WSB1: variants seen among roughly 807,000 people sequenced by gnomAD.
The protein encoded by WSB1 is WD repeat and SOCS box-containing protein 1.
In WSB1, 23 loss-of-function variants were observed where a neutral mutation model predicts 50.2. The observed-to-expected ratio is 0.46, with a 90% CI of 0.33 to 0.65. WSB1 has a LOEUF of 0.65. Ranked by LOEUF, WSB1 falls within the 30% of genes least tolerant of loss-of-function variation. The probability of loss-of-function intolerance (pLI) is 0.02; values close to 1 mark genes in which losing one functional copy is unlikely to be tolerated. For synonymous variants in WSB1, 179 were observed against 172.0 expected (o/e 1.04, Z -0.32); for missense variants, 492 against 522.3 (o/e 0.94, Z 0.56).
At chr17:27,309,310 C>T (rs545322545) in intron 6 of WSB1, 38 bp downstream of exon 6, 2 of 1,422,020 alleles carry the variant, frequency 1.4e-6, no homozygotes, top group Non-Finnish European at 1.9e-6. Context: ...TATAATTCAT[C>T]TCCACCTATC....
intron 5 of WSB1, chr17:27,308,063 T>A: frequency 1.7e-6 from 2 of 1,174,148 alleles, no homozygotes; most frequent in Non-Finnish European, 2.1e-6. Context: ...GTGAAACCAA[T>A]TTAATGTAAA....
chr17:27,301,765 A>G lies in WSB1; in HGVS notation c.41-23A>G, dbSNP rs772275619. 4.3e-6 allele frequency: 7 copies of G among 1,610,716 alleles called. No homozygotes were observed. The East Asian group carries it at 1.6e-4, about 36-fold the overall frequency. The stretch of plus-strand genomic sequence containing the variant: ...GTATTGTTGGTTATATATGATATCC[A>G]GTATTTTTATTTTTCCTTTTAGTGA... On this transcript the variant is annotated intron_variant, in intron 1 of 8. Coordinates refer to ENST00000262394, the MANE Select transcript of WSB1 (RefSeq NM_015626.10).
intron 1 of WSB1, among the ~76,000 whole-genome samples, chr17:27,298,126 G>GA (rs35222722): frequency 0.092 from 6,788 of 74,134 alleles, 361 homozygotes; most frequent in Non-Finnish European, 0.11. Flanking sequence ...CTCCGTCTCA[G>GA]AAAAAAAAAA....
Position 27,308,276 on chromosome 17 carries a change from C to T in WSB1, c.712-824C>T, listed in dbSNP as rs566955940. The T allele has an allele frequency of 8.1e-6, 8 of 985,614 alleles. No individual in the cohort carries two copies. In the East Asian group the frequency reaches 8.0e-4, roughly 98 times the overall value. The allele number at this position is 985,614 out of a possible 1,614,324, so 61.1% of individuals were successfully genotyped here. A position where few individuals can be genotyped will look rare whatever the true frequency, so the allele number is the denominator to read the frequency against. On this transcript the variant is annotated intron_variant, in intron 5 of 8. Coordinates refer to ENST00000262394, the MANE Select transcript of WSB1 (RefSeq NM_015626.10). Reference sequence around the variant, plus strand: ...GATTGTCTTAGGATAAACCTCCAAGCTCACATTTAATATAACAGACTGAAG... The same window carrying T: ...GATTGTCTTAGGATAAACCTCCAAGTTCACATTTAATATAACAGACTGAAG...
Position 27,313,467 on chromosome 17 carries a change from C to T in WSB1, c.*1098C>T, listed in dbSNP as rs887829414. The T allele has an allele frequency of 2.0e-5, 3 of 150,630 alleles. No homozygotes were observed. Among genetic ancestry groups the T allele is most frequent in the Non-Finnish European group, 4.4e-5 (3 of 67,722 alleles). The allele number at this position is 150,630 out of a possible 1,614,324, so 9.3% of individuals were successfully genotyped here. A position where few individuals can be genotyped will look rare whatever the true frequency, so the allele number is the denominator to read the frequency against. ...AAAAAAAAAAAAAACTCTGTTTCTG[C>T]AGGGGATGATATTGGTGAGTTGCCA... On this transcript the variant is annotated 3_prime_UTR_variant, in exon 9 of 9. Coordinates refer to ENST00000262394, the MANE Select transcript of WSB1 (RefSeq NM_015626.10).
intron 6 of WSB1, 114 bp downstream of exon 6, chr17:27,309,386 A>G (rs1387240013): frequency 1.0e-6 from 1 of 970,872 alleles, no homozygotes; most frequent in East Asian, 2.5e-5. Context: ...TCTAATTTAA[A>G]ATGTTGGTAT....
rs983365667 is a variant in WSB1, at chr17:27,312,992, G to C, written c.*623G>C. On this transcript the variant is annotated 3_prime_UTR_variant, in exon 9 of 9. Transcript: ENST00000262394. ...GGAGGTGGAGGTTGCAGTAAGCCAAGATCACACCACTGCACTCCAACCTGG... is the reference window on the plus strand; with the variant it reads ...GGAGGTGGAGGTTGCAGTAAGCCAACATCACACCACTGCACTCCAACCTGG... The C allele has an allele frequency of 1.3e-5, 2 of 150,908 alleles. No individual in the cohort carries two copies. The highest frequency in any genetic ancestry group is 2.9e-5 in the Non-Finnish European group (2 of 68,118). The allele number at this position is 150,908 out of a possible 1,614,324, so 9.3% of individuals were successfully genotyped here. A position where few individuals can be genotyped will look rare whatever the true frequency, so the allele number is the denominator to read the frequency against.
At chr17:27,297,391 A>G (rs998053448) in intron 1 of WSB1, 1 of 150,176 alleles carries the variant, frequency 6.7e-6, no homozygotes, top group Non-Finnish European at 1.5e-5. Flanking sequence ...CTGGTCTGGA[A>G]CTCCTGACCT....
Position 27,313,588 on chromosome 17 carries a change from A to G in WSB1, c.*1219A>G, listed in dbSNP as rs1328892039. On this transcript the variant is annotated 3_prime_UTR_variant, in exon 9 of 9. Transcript: ENST00000262394. ...CATTATGTAAAATGCTCAATTATAT[A>G]TTTTTGTTGAGTTTTTTAATTAAAG... 2 of 152,096 alleles carry G rather than the reference A, an allele frequency of 1.3e-5. No homozygotes were observed. Among genetic ancestry groups the G allele is most frequent in the African/African-American group, 4.9e-5 (2 of 41,202 alleles). The allele number at this position is 152,096 out of a possible 1,614,324, so 9.4% of individuals were successfully genotyped here.
rs1201512684 is a variant in WSB1, at chr17:27,315,131, CAG to C, written c.*2763_*2764del. 1.1e-4 allele frequency: 17 copies of C among 152,094 alleles called. No individual in the cohort carries two copies. The highest frequency in any genetic ancestry group is 3.9e-4 in the African/African-American group (16 of 41,424). 9.4% of individuals were successfully genotyped at this position (152,094 alleles called of 1,614,324 possible). On this transcript the variant is annotated 3_prime_UTR_variant, in exon 9 of 9. Transcript: ENST00000262394. ...TTGTCTGTGGGGAAGAAGGTAATAA[CAG>C]TAATAACAGACTGAAGGACCAAAGG...
At position 27,311,624 on chromosome 17, in the gene WSB1, T is replaced by C. The variant is rs775603812; in HGVS notation, c.1106+8T>C. On this transcript the variant is annotated splice_region_variant and intron_variant, in intron 8 of 8. Coordinates refer to ENST00000262394, the MANE Select transcript of WSB1 (RefSeq NM_015626.10). ...CAGTGTTTTAGCTGCTGGGTAAATA[T>C]ATTTTTCTCTTTTTTTTTTTTTTTT... 46 of 1,475,334 alleles carry C rather than the reference T, an allele frequency of 3.1e-5. No individual in the cohort carries two copies. The highest frequency in any genetic ancestry group is 2.0e-4 in the South Asian group (16 of 79,078). The allele number at this position is 1,475,334 out of a possible 1,614,324, so 91.4% of individuals were successfully genotyped here.
At chr17:27,296,439 A>G (rs1416952954) in intron 1 of WSB1, among the ~76,000 whole-genome samples, 2 of 152,104 alleles carry the variant, frequency 1.3e-5, no homozygotes, top group Admixed American at 1.3e-4. Context: ...AGCTTTTTAA[A>G]TCTATGAATA....
At chr17:27,305,044 T>A in intron 4 of WSB1, 133 bp downstream of exon 4, 2 of 1,120,178 alleles carry the variant, frequency 1.8e-6, no homozygotes, top group Non-Finnish European at 2.6e-6. Flanking sequence ...CCTTAACACT[T>A]AGGTTCCTTT....
At position 27,301,690 on chromosome 17, in the gene WSB1, A is replaced by G. The variant is rs1158122358; in HGVS notation, c.41-98A>G. ...AGAACTCACTATACCCTGTCTGCATAGAAGAGGGAAGAAACTCAATCCCAA... is the reference window on the plus strand; with the variant it reads ...AGAACTCACTATACCCTGTCTGCATGGAAGAGGGAAGAAACTCAATCCCAA... On this transcript the variant is annotated intron_variant, in intron 1 of 8. Transcript: ENST00000262394. 3.1e-6 allele frequency: 4 copies of G among 1,298,362 alleles called. No individual in the cohort carries two copies. The Admixed American group carries it at 5.6e-5, about 18-fold the overall frequency. 80.4% of individuals were successfully genotyped at this position (1,298,362 alleles called of 1,614,324 possible). A position where few individuals can be genotyped will look rare whatever the true frequency, so the allele number is the denominator to read the frequency against.
intron 7 of WSB1, among the ~76,000 whole-genome samples, chr17:27,311,298 C>CAAG (rs1386108068): frequency 6.6e-6 from 1 of 152,172 alleles, no homozygotes; most frequent in Admixed American, 6.5e-5. Flanking sequence ...GCATTGTAGT[C>CAAG]TCTTAAGTGA....
Position 27,309,387 on chromosome 17 carries a change from A to C in WSB1, c.884+115A>C. The C allele has an allele frequency of 2.1e-6, 2 of 967,566 alleles. 1 individual carries two copies. The highest frequency in any genetic ancestry group is 3.9e-5 in the South Asian group (2 of 50,776). 59.9% of individuals were successfully genotyped at this position (967,566 alleles called of 1,614,324 possible). A position where few individuals can be genotyped will look rare whatever the true frequency, so the allele number is the denominator to read the frequency against. On this transcript the variant is annotated intron_variant, in intron 6 of 8. Transcript: ENST00000262394. Reference sequence around the variant, plus strand: ...AAATTACAGTCTATTCTAATTTAAAATGTTGGTATTATTTAAGCCCTTGAC... The same window carrying C: ...AAATTACAGTCTATTCTAATTTAAACTGTTGGTATTATTTAAGCCCTTGAC...
At chr17:27,303,230 T>G in intron 2 of WSB1, 137 bp from the exon 3 acceptor site, 1 of 956,676 alleles carries the variant, frequency 1.0e-6, no homozygotes, top group Non-Finnish European at 1.5e-6. Context: ...TCCCTTCCTA[T>G]CTATAGGATT....
chr17:27,312,839 C>T lies in WSB1; in HGVS notation c.*470C>T, dbSNP rs201598775. The stretch of plus-strand genomic sequence containing the variant: ...CTGAGGTCAGCAGTTTGAGACTAGC[C>T]TGGCAAACATGATGAAACCCTGTCT... On this transcript the variant is annotated 3_prime_UTR_variant, in exon 9 of 9. Coordinates refer to ENST00000262394, the MANE Select transcript of WSB1 (RefSeq NM_015626.10). The T allele has an allele frequency of 6.6e-6, 1 of 151,798 alleles. No individual in the cohort carries two copies. The highest frequency in any genetic ancestry group is 1.9e-4 in the East Asian group (1 of 5,184). The allele number at this position is 151,798 out of a possible 1,614,324, so 9.4% of individuals were successfully genotyped here.
chr17:27,310,004 G>T, intron 6 of WSB1, 57 bp from the exon 7 acceptor site: 1 of 1,375,126 alleles, frequency 7.3e-7, no homozygotes, highest in Non-Finnish European at 1.0e-6. Context: ...TTGTACCTGG[G>T]TAATTTTGTT....
Sources: allele counts gnomAD v4.1 joint callset (sites outside exome capture counted in the v4.1 genomes callset), GRCh38; gene constraint gnomAD v4.1.1; transcripts MANE v1.5; gene names NCBI Gene and HGNC (gene_info 2026-07-23, HGNC 2026-07-21).